Variants in DOP1B observed in about 807,000 individuals in gnomAD.
DOP1B encodes protein DOP1B.
In DOP1B, 174 loss-of-function variants were observed where a neutral mutation model predicts 233.5. The ratio of observed to expected loss-of-function variants is 0.75; its 90% confidence interval spans 0.66 to 0.85. The LOEUF (loss-of-function observed/expected upper bound fraction) is 0.85, where lower values mean the gene tolerates loss of function less well. DOP1B is among the 40% of genes least tolerant of loss of function. The pLI, the probability that DOP1B is intolerant of heterozygous loss-of-function variation, is 0.00. For synonymous variants in DOP1B, 1,190 were observed against 1,185.6 expected, an observed-to-expected ratio of 1.00 and a Z score of -0.08; for missense variants, 2,652 against 2,846.6, an observed-to-expected ratio of 0.93 and a Z score of 1.56.
At chr21:36,200,191 A>T in intron 3 of DOP1B, 140 bp from the exon 4 acceptor site, 1 of 1,114,540 alleles carries the variant, frequency 9.0e-7, no homozygotes, top group Non-Finnish European at 1.2e-6. Context: ...TGACCATCTC[A>T]TGTCATACCC....
chr21:36,213,019 T>C (rs2066518227), intron 7 of DOP1B, among the ~76,000 whole-genome samples: 1 of 152,204 alleles, frequency 6.6e-6, no homozygotes, highest in Non-Finnish European at 1.5e-5. Flanking sequence ...TGACCTCAGG[T>C]GATCTGCCCA....
rs776536206 is a variant in DOP1B, at chr21:36,246,223, G to A, written c.4243G>A (p.Glu1415Lys). The part of the protein sequence containing the change: ...ATAHHGRALP[E>K]DSLFEESLIN... ...CGCCCACCACGGCAGGGCCCTGCCA[G>A]AGGACAGCCTCTTTGAGGAGAGTCT... Residue 1415 changes from glutamate (E) to lysine (K), a missense_variant, in exon 19 of 37, where the codon GAG (glutamate) becomes AAG (lysine). Physicochemically the swap from Glu to Lys is moderately conservative, Grantham distance 56. Around this residue, in one of 3 missense-constraint regions of DOP1B, gnomAD observed 2,617 missense variants for 2,794.3 expected, o/e 0.94. Transcript: ENST00000691173. The surrounding 1 kb of genome is among the most constrained non-coding windows in gnomAD (Gnocchi z 5.1). The A allele has an allele frequency of 6.2e-7, 1 of 1,613,908 alleles. No homozygotes were observed. The highest frequency in any genetic ancestry group is 2.2e-5 in the East Asian group (1 of 44,882).
At chr21:36,262,395 C>A (rs2067180975) in intron 24 of DOP1B, among the ~76,000 whole-genome samples, 1 of 152,204 alleles carries the variant, frequency 6.6e-6, no homozygotes, top group African/African-American at 2.4e-5. Context: ...GACACTCTGA[C>A]TGTAGTCTGA....
Position 36,246,705 on chromosome 21 carries a change from A to T in DOP1B, c.4697+28A>T. On this transcript the variant is annotated intron_variant, in intron 19 of 36. Transcript: ENST00000691173. The surrounding 1 kb of genome is among the most constrained non-coding windows in gnomAD (Gnocchi z 5.1). ...GCGTTACGCTCCTTGTGACATCTTT[A>T]TTGCTTTAGTGATGGTTTTTATAAC... 1 of 1,582,194 alleles carries T rather than the reference A, an allele frequency of 6.3e-7. No homozygotes were observed. Among genetic ancestry groups the T allele is most frequent in the Non-Finnish European group, 8.6e-7 (1 of 1,158,684 alleles).
At chr21:36,285,137 G>A (rs2067467606) in intron 32 of DOP1B, among the ~76,000 whole-genome samples, 1 of 152,080 alleles carries the variant, frequency 6.6e-6, no homozygotes, top group South Asian at 2.1e-4. Context: ...TTGGCTCACT[G>A]CAACCTCCGC....
At chr21:36,229,521 C>T (rs1276640130) in intron 13 of DOP1B, among the ~76,000 whole-genome samples, 1 of 152,092 alleles carries the variant, frequency 6.6e-6, no homozygotes, top group Non-Finnish European at 1.5e-5. Context: ...CTCTAATGAT[C>T]TCATCTTAAT....
intron 15 of DOP1B, among the ~76,000 whole-genome samples, chr21:36,233,439 G>A (rs1446728246): frequency 6.6e-6 from 1 of 152,192 alleles, no homozygotes; most frequent in Non-Finnish European, 1.5e-5. Flanking sequence ...CTGGTGGCCT[G>A]CCCCTCCCAG....
chr21:36,162,143 C>G (rs918408160), intron 1 of DOP1B, among the ~76,000 whole-genome samples: 30 of 152,320 alleles, frequency 2.0e-4, no homozygotes, highest in Middle Eastern at 3.4e-3. Context: ...GTGGGGCCTG[C>G]TTGCTGTATC....
intron 9 of DOP1B, among the ~76,000 whole-genome samples, chr21:36,217,672 C>G (rs1429344629): frequency 1.3e-5 from 2 of 152,184 alleles, no homozygotes; most frequent in Non-Finnish European, 2.9e-5. Flanking sequence ...GATGTGCTGC[C>G]TCAGGGTGTC....
chr21:36,255,622 G>A (rs1344283452), intron 23 of DOP1B, among the ~76,000 whole-genome samples: 1 of 151,000 alleles, frequency 6.6e-6, no homozygotes, highest in Non-Finnish European at 1.5e-5. Context: ...TTGTAGTGAC[G>A]GGGTTTGCCA....
chr21:36,249,066 C>T (rs1168931579), intron 21 of DOP1B, among the ~76,000 whole-genome samples: 1 of 150,922 alleles, frequency 6.6e-6, no homozygotes, highest in Non-Finnish European at 1.5e-5. Context: ...GATTGCACCA[C>T]TGCACCCCAG....
In DOP1B at chr21:36,169,345, C is replaced by T. The variant is rs923321955; in HGVS notation, c.138+4474C>T. ...CAATCTTACAGATCTTCTTGTTGAT[C>T]TCAGTGTGGTGATGGTCGCCTTTCT... On this transcript the variant is annotated intron_variant, in intron 2 of 36. Transcript: ENST00000691173. The T allele has an allele frequency of 5.1e-6, 4 of 786,092 alleles. No individual in the cohort carries two copies. In the African/African-American group the frequency reaches 6.7e-5, roughly 13 times the overall value. 48.7% of individuals were successfully genotyped at this position (786,092 alleles called of 1,614,324 possible).
At chr21:36,180,445 C>T (rs2066084213) in intron 2 of DOP1B, among the ~76,000 whole-genome samples, 1 of 151,764 alleles carries the variant, frequency 6.6e-6, no homozygotes, top group African/African-American at 2.4e-5. Flanking sequence ...TGGCGCACAC[C>T]TGTTAGTCCT....
At chr21:36,191,438 C>T (rs2066233228) in intron 2 of DOP1B, among the ~76,000 whole-genome samples, 1 of 152,188 alleles carries the variant, frequency 6.6e-6, no homozygotes, top group South Asian at 2.1e-4. Flanking sequence ...ATGAGTCCCA[C>T]TCTTCTCTGG....
intron 4 of DOP1B, among the ~76,000 whole-genome samples, chr21:36,208,117 AGGTGCTGTG>A (rs2066449623): frequency 6.6e-6 from 1 of 152,226 alleles, no homozygotes; most frequent in African/African-American, 2.4e-5. Flanking sequence ...CAGCACATGC[AGGTGCTGTG>A]GGCAGACTGA....
At chr21:36,227,910 G>T in intron 13 of DOP1B, 33 bp downstream of exon 13, 1 of 1,524,164 alleles carries the variant, frequency 6.6e-7, no homozygotes. Context: ...ATGGTTCTGG[G>T]GGCTAAAAGC....
At chr21:36,251,679 C>G (rs2067034178) in intron 22 of DOP1B, among the ~76,000 whole-genome samples, 1 of 152,174 alleles carries the variant, frequency 6.6e-6, no homozygotes, top group South Asian at 2.1e-4. Context: ...CCTCGGCCTC[C>G]TAAAGTGCTG....
chr21:36,222,669 G>C (rs1037207197), intron 10 of DOP1B, among the ~76,000 whole-genome samples: 1 of 152,018 alleles, frequency 6.6e-6, no homozygotes, highest in Non-Finnish European at 1.5e-5. Context: ...CACCAGTAGA[G>C]TATGGACTAA....
At position 36,246,767 on chromosome 21, in the gene DOP1B, G is replaced by A; in HGVS notation, c.4697+90G>A. The stretch of plus-strand genomic sequence containing the variant: ...TTGCCACGGATGTGGATGTCGGTTG[G>A]AGGATAATTTCATCCCAATGAGAAG... On this transcript the variant is annotated intron_variant, in intron 19 of 36. Transcript: ENST00000691173. The surrounding 1 kb of genome is among the most constrained non-coding windows in gnomAD (Gnocchi z 5.1). 1 of 1,482,592 alleles carries A rather than the reference G, an allele frequency of 6.7e-7. No homozygotes were observed. Among genetic ancestry groups the A allele is most frequent in the Non-Finnish European group, 9.1e-7 (1 of 1,103,826 alleles). 91.8% of individuals were successfully genotyped at this position (1,482,592 alleles called of 1,614,324 possible).
Sources: gnomAD v4.1 joint callset for allele counts (sites outside exome capture counted in the v4.1 genomes callset) on GRCh38, gnomAD v4.1.1 for gene constraint, gnomAD v4.1.1 regional missense constraint, Gnocchi (gnomAD v3.1) non-coding constraint, MANE v1.5 for transcripts, NCBI Gene and HGNC (gene_info 2026-07-23, HGNC 2026-07-21) for gene names.